GIGYF2: variants seen among roughly 807,000 people sequenced by gnomAD.
GIGYF2 encodes the protein GRB10-interacting GYF protein 2.
A neutral mutation model predicts 208.1 loss-of-function variants in GIGYF2; 25 were observed. The ratio of observed to expected loss-of-function variants is 0.12; its 90% CI spans 0.09 to 0.17. The LOEUF (loss-of-function observed/expected upper bound fraction) is 0.17, where lower values mean the gene tolerates loss of function less well. GIGYF2 is among the 10% of genes least tolerant of loss of function. GIGYF2 has a pLI of 1.00. For missense variants in GIGYF2, 1,302 were observed against 1,579.4 expected (o/e 0.82, Z 2.98); for synonymous variants, 534 against 543.8 (o/e 0.98, Z 0.25).
Position 232,817,026 on chromosome 2 carries a change from G to A in GIGYF2, c.2364G>A (p.Arg788=), listed in dbSNP as rs1700936166. 6.2e-7 allele frequency: 1 copy of A among 1,611,590 alleles called. No homozygotes were observed. The highest frequency in any genetic ancestry group is 2.2e-5 in the East Asian group (1 of 44,856). The change falls in exon 20 of 29, where the codon AGG becomes AGA. Residue 788 remains arginine, a synonymous_variant. Coordinates refer to ENST00000373563, the MANE Select transcript of GIGYF2 (RefSeq NM_001103146.3). ...KRREEEELAR[R]KQEEALRRQR... ...GAGAGGAAGAAGAACTTGCCCGAAG[G>A]AAACAGGTATGTATCTGGGAACTCT...
At chr2:232,807,181 A>G (rs1700585669) in intron 15 of GIGYF2, among the ~76,000 whole-genome samples, 1 of 152,138 alleles carries the variant, frequency 6.6e-6, no homozygotes, top group African/African-American at 2.4e-5. Flanking sequence ...GTGCTTCACA[A>G]TATTTTTAGG....
chr2:232,761,366 T>G (rs1280680852), intron 7 of GIGYF2, 30 bp from the exon 8 acceptor site: 6 of 1,534,192 alleles, frequency 3.9e-6, no homozygotes, highest in Non-Finnish European at 5.4e-6. Context: ...ACTGTGAGAC[T>G]TTGTTTGAAA....
At chr2:232,762,203 A>G (rs1000665484) in intron 8 of GIGYF2, among the ~76,000 whole-genome samples, 18 of 150,158 alleles carry the variant, frequency 1.2e-4, no homozygotes, top group Non-Finnish European at 2.1e-4. Flanking sequence ...GAGCATGATT[A>G]TAACTGATAG....
chr2:232,772,882 C>G (rs1334832303), intron 8 of GIGYF2, among the ~76,000 whole-genome samples: 1 of 152,102 alleles, frequency 6.6e-6, no homozygotes, highest in South Asian at 2.1e-4. Context: ...TATCTCGGGA[C>G]TTTGAGGCTT....
chr2:232,836,343 T>A (rs1489354653), intron 22 of GIGYF2, among the ~76,000 whole-genome samples: 1 of 34,086 alleles, frequency 2.9e-5, no homozygotes, highest in African/African-American at 1.1e-4. Flanking sequence ...TATATATACT[T>A]ATATATTTAT....
intron 8 of GIGYF2, among the ~76,000 whole-genome samples, chr2:232,780,423 C>T (rs1467735198): frequency 6.6e-6 from 1 of 152,120 alleles, no homozygotes; most frequent in South Asian, 2.1e-4. Flanking sequence ...TAAAATATAT[C>T]GTTTTCCTCA....
In GIGYF2 at chr2:232,760,516, G is replaced by A; in HGVS notation, c.416G>A (p.Ser139Asn). 1 of 1,613,712 alleles carries A rather than the reference G, an allele frequency of 6.2e-7. No homozygotes were observed. Among genetic ancestry groups the A allele is most frequent in the East Asian group, 2.2e-5 (1 of 44,864 alleles). Residue 139 changes from serine to asparagine, a missense_variant, in exon 7 of 29, where the codon AGT (serine) becomes AAT (asparagine). By Grantham distance (46) the Ser-to-Asn change is conservative (BLOSUM62 1). Transcript: ENST00000373563. The part of the protein sequence containing the change: ...GRGECGFYQR[S>N]FDEVEGVFGR... The stretch of plus-strand genomic sequence containing the variant: ...GGTGAATGTGGTTTCTACCAAAGAA[G>A]TTTTGATGAAGTAGAGGGTGTTTTT...
chr2:232,791,729 C>T (rs1700075017), intron 12 of GIGYF2, among the ~76,000 whole-genome samples: 2 of 152,158 alleles, frequency 1.3e-5, no homozygotes, highest in Non-Finnish European at 2.9e-5. Context: ...AACTGGGTGT[C>T]ATAGCCTTTG....
At chr2:232,774,526 T>A (rs536130347) in intron 8 of GIGYF2, among the ~76,000 whole-genome samples, 29 of 152,304 alleles carry the variant, frequency 1.9e-4, no homozygotes, top group Middle Eastern at 3.4e-3. Flanking sequence ...AAGACAATTT[T>A]ACAAGTATAA....
intron 21 of GIGYF2, among the ~76,000 whole-genome samples, chr2:232,827,858 A>C (rs1472561872): frequency 6.6e-6 from 1 of 152,138 alleles, no homozygotes; most frequent in Non-Finnish European, 1.5e-5. Flanking sequence ...TACGTGTCAC[A>C]CTTTTTAGTA....
chr2:232,732,674 T>C (rs1272342709), intron 2 of GIGYF2, among the ~76,000 whole-genome samples: 1 of 151,848 alleles, frequency 6.6e-6, no homozygotes, highest in Non-Finnish European at 1.5e-5. Context: ...AAGGTCTTGC[T>C]CTGTTGCCCA....
At chr2:232,788,551 G>T in intron 9 of GIGYF2, 2 of 470,878 alleles carry the variant, frequency 4.2e-6, no homozygotes, top group Non-Finnish European at 8.8e-6. Flanking sequence ...GATCTGGGCT[G>T]AGAGAGAAAA....
At chr2:232,736,300 AAT>A in intron 3 of GIGYF2, 2 of 480,606 alleles carry the variant, frequency 4.2e-6, no homozygotes, top group Non-Finnish European at 5.4e-6. Flanking sequence ...GTATCAAATT[AAT>A]ATGTTTCTAA....
chr2:232,850,057 T>G (rs982466541), intron 27 of GIGYF2, among the ~76,000 whole-genome samples: 2 of 152,224 alleles, frequency 1.3e-5, no homozygotes, highest in African/African-American at 4.8e-5. Flanking sequence ...CACTGAGCCC[T>G]GAGTGGGATG....
intron 5 of GIGYF2, 77 bp from the exon 6 acceptor site, chr2:232,756,146 T>G: frequency 1.2e-6 from 1 of 808,906 alleles, no homozygotes; most frequent in Non-Finnish European, 2.0e-6. Context: ...AGAAGCAACA[T>G]GTAGTTTTAT....
intron 8 of GIGYF2, among the ~76,000 whole-genome samples, chr2:232,777,047 A>G (rs1239052760): frequency 6.6e-6 from 1 of 152,034 alleles, no homozygotes; most frequent in Non-Finnish European, 1.5e-5. Flanking sequence ...AATGGCTACC[A>G]TTAGTTCCAG....
intron 2 of GIGYF2, chr2:232,729,928 C>G (rs1263892354): frequency 1.4e-6 from 1 of 736,190 alleles, no homozygotes; most frequent in East Asian, 2.5e-5. Flanking sequence ...TCTTTAGCTC[C>G]TCTTCCTATA....
chr2:232,720,583 A>ATTTTTTTTTTTTTTTTTTTTTT (rs1553605416), intron 2 of GIGYF2, among the ~76,000 whole-genome samples: 1 of 144,918 alleles, frequency 6.9e-6, no homozygotes, highest in Non-Finnish European at 1.5e-5. Flanking sequence ...ATATATATAT[A>ATTTTTTTTTTTTTTTTTTTTTT]TTTTTGTTTG....
intron 14 of GIGYF2, among the ~76,000 whole-genome samples, chr2:232,798,169 T>C (rs1374062372): frequency 6.6e-6 from 1 of 152,134 alleles, no homozygotes; most frequent in Non-Finnish European, 1.5e-5. Flanking sequence ...AATCACACTT[T>C]TGGAGATTGG....
Sources: allele counts gnomAD v4.1 joint callset (sites outside exome capture counted in the v4.1 genomes callset), GRCh38; gene constraint gnomAD v4.1.1; transcripts MANE v1.5; gene names NCBI Gene and HGNC (gene_info 2026-07-23, HGNC 2026-07-21).